Variants in DYSF observed in about 807,000 individuals in gnomAD.
The protein encoded by DYSF is dystrophy-associated fer-1-like 1.
DYSF carries 212 observed loss-of-function variants against 274.9 expected under a neutral mutation model. The observed-to-expected ratio is 0.77, with a 90% CI of 0.69 to 0.86. DYSF has a LOEUF of 0.86. Ranked by LOEUF, DYSF falls within the 40% of genes least tolerant of loss-of-function variation. DYSF has a pLI of 0.00. For missense variants in DYSF, 2,666 were observed against 2,783.2 expected, an observed-to-expected ratio of 0.96 and a Z score of 0.95; for synonymous variants, 1,091 against 1,078.7, an observed-to-expected ratio of 1.01 and a Z score of -0.22.
At chr2:71,550,811 A>G (rs1450911672) in intron 17 of DYSF, among the ~76,000 whole-genome samples, 1 of 152,200 alleles carries the variant, frequency 6.6e-6, no homozygotes, top group Non-Finnish European at 1.5e-5. Flanking sequence ...AAATGAGACT[A>G]ATAAAAATAT....
chr2:71,593,081 A>T (rs2093314025), intron 32 of DYSF, among the ~76,000 whole-genome samples: 1 of 151,334 alleles, frequency 6.6e-6, no homozygotes, highest in Non-Finnish European at 1.5e-5. Context: ...CCTGTGCAGC[A>T]ATTAGTCATA....
intron 45 of DYSF, among the ~76,000 whole-genome samples, chr2:71,661,361 G>T (rs1221592799): frequency 6.6e-6 from 1 of 152,060 alleles, no homozygotes; most frequent in Non-Finnish European, 1.5e-5. Context: ...TCAAAATGAA[G>T]AAATCATCAT....
chr2:71,569,913 G>A lies in DYSF; in HGVS notation c.2958G>A (p.Met986Ile), dbSNP rs893875655. The stretch of plus-strand genomic sequence containing the variant: ...TTCCCGGAGGCCAGTGGATCTACAT[G>A]AGTGACAACTACACCGATGTGGTAA... ...TRLPGGQWIY[M>I]SDNYTDVNGE... is the part of the protein sequence containing the mutation. The change falls in exon 27 of 56, where the codon ATG becomes ATA. Residue 986 changes from methionine to isoleucine, a missense_variant. Around this residue, in one of 3 missense-constraint regions of DYSF, gnomAD observed 1,460 missense variants for 1,502.1 expected, o/e 0.97. Transcript: ENST00000410020. The A allele has an allele frequency of 5.6e-6, 9 of 1,613,982 alleles. No individual in the cohort carries two copies. The highest frequency in any genetic ancestry group is 7.6e-6 in the Non-Finnish European group (9 of 1,180,004).
rs762574600 is a variant in DYSF, at chr2:71,611,645, C to T, written c.4221+19C>T. On this transcript the variant is annotated intron_variant, in intron 38 of 55. Coordinates refer to ENST00000410020, the MANE Select transcript of DYSF (RefSeq NM_001130987.2). ...GGAAGTGGTGAGCCCCACCTCCCTA[C>T]TGTCCCCTTCCAGAGTCCTGGGGCT... The T allele has an allele frequency of 1.2e-6, 2 of 1,611,584 alleles. No homozygotes were observed. Among genetic ancestry groups the T allele is most frequent in the Non-Finnish European group, 1.7e-6 (2 of 1,179,630 alleles).
chr2:71,534,909 C>T, intron 14 of DYSF, 112 bp from the exon 15 acceptor site: 1 of 1,150,020 alleles, frequency 8.7e-7, no homozygotes, highest in Non-Finnish European at 1.3e-6. Flanking sequence ...TTACACCCAG[C>T]CCTAAGGGCA....
At chr2:71,566,233 C>A (rs117576946) in intron 24 of DYSF, among the ~76,000 whole-genome samples, 1 of 75,384 alleles carries the variant, frequency 1.3e-5, no homozygotes, top group African/African-American at 4.9e-5. Context: ...GGGGGCGGGG[C>A]GGGGGGTGCT....
At chr2:71,590,121 T>C in intron 31 of DYSF, 90 bp from the exon 32 acceptor site, 1 of 1,322,778 alleles carries the variant, frequency 7.6e-7, no homozygotes, top group Non-Finnish European at 1.1e-6. Flanking sequence ...TGCTGCCCTT[T>C]CTAGGGACAG....
intron 10 of DYSF, 101 bp downstream of exon 10, chr2:71,517,140 C>A: frequency 1.8e-6 from 2 of 1,135,336 alleles, no homozygotes; most frequent in Non-Finnish European, 2.7e-6. Flanking sequence ...CTGTGTTTCT[C>A]TGCTTTGGGA....
chr2:71,486,191 C>A, intron 3 of DYSF, among the ~76,000 whole-genome samples: 1 of 151,970 alleles, frequency 6.6e-6, no homozygotes, highest in South Asian at 2.1e-4. Context: ...TCTGTGAGCT[C>A]CCCCGCTGTC....
intron 23 of DYSF, among the ~76,000 whole-genome samples, chr2:71,563,398 G>A (rs1316147327): frequency 6.6e-6 from 1 of 152,176 alleles, no homozygotes; most frequent in Non-Finnish European, 1.5e-5. Context: ...GGCTCACTTT[G>A]CTCATCATCC....
intron 40 of DYSF, among the ~76,000 whole-genome samples, chr2:71,618,288 GTGTGTGTGGTAGAGGTGGT>G (rs2093971544): frequency 8.4e-6 from 1 of 118,352 alleles, no homozygotes; most frequent in Non-Finnish European, 1.8e-5. Context: ...TGGTAGAGGT[GTGTGTGTGGTAGAGGTGGT>G]GTGTGTGTGT....
intron 1 of DYSF, among the ~76,000 whole-genome samples, chr2:71,460,192 T>C (rs2081228057): frequency 6.6e-6 from 1 of 152,168 alleles, no homozygotes; most frequent in Admixed American, 6.5e-5. Flanking sequence ...GCTCCTCCTG[T>C]TTTATTGCTC....
At position 71,606,456 on chromosome 2, in the gene DYSF, C is replaced by T. The variant is rs1344294831; in HGVS notation, c.3957+3651C>T. Among the ~76,000 whole-genome samples, 5 of 152,138 alleles carry T rather than the reference C, an allele frequency of 3.3e-5. No individual in the cohort carries two copies. The East Asian group carries it at 9.7e-4, about 29-fold the overall frequency. ...TCTGGTGGCACTTTCAGTCTACACCCCATCTGCCCAGCAGTGCTGAGAGGC... is the reference window on the plus strand; with the variant it reads ...TCTGGTGGCACTTTCAGTCTACACCTCATCTGCCCAGCAGTGCTGAGAGGC... On this transcript the variant is annotated intron_variant, in intron 36 of 55. Coordinates refer to ENST00000410020, the MANE Select transcript of DYSF (RefSeq NM_001130987.2).
chr2:71,661,378 A>C lies in DYSF; in HGVS notation c.5003+727A>C, dbSNP rs113509495. Among the ~76,000 whole-genome samples, 66 of 152,264 alleles carry C rather than the reference A, an allele frequency of 4.3e-4. 1 individual carries two copies. The highest frequency in any genetic ancestry group is 1.3e-3 in the African/African-American group (54 of 41,560). ...AAAATGAAGAAATCATCATTGGTGC[A>C]TTACGTTTAACCAAACTAGACTTTT... is the stretch of plus-strand genomic sequence containing the variant. On this transcript the variant is annotated intron_variant, in intron 45 of 55. Coordinates refer to ENST00000410020, the MANE Select transcript of DYSF (RefSeq NM_001130987.2).
At chr2:71,587,463 C>T (rs566735360) in intron 30 of DYSF, among the ~76,000 whole-genome samples, 1 of 152,314 alleles carries the variant, frequency 6.6e-6, no homozygotes, top group South Asian at 2.1e-4. Flanking sequence ...GAACACCACT[C>T]CCAGCACATG....
chr2:71,606,933 C>T (rs1350767479), intron 36 of DYSF, among the ~76,000 whole-genome samples: 4 of 152,142 alleles, frequency 2.6e-5, no homozygotes, highest in Non-Finnish European at 4.4e-5. Flanking sequence ...CCCATCCACC[C>T]ACTCTTCTGT....
chr2:71,639,822 T>G (rs2094459868), intron 41 of DYSF, among the ~76,000 whole-genome samples: 1 of 152,226 alleles, frequency 6.6e-6, no homozygotes, highest in Non-Finnish European at 1.5e-5. Flanking sequence ...GGAATGATTG[T>G]GGCCATCCGT....
chr2:71,545,833 T>C (rs192250551), intron 17 of DYSF, among the ~76,000 whole-genome samples: 2 of 152,222 alleles, frequency 1.3e-5, no homozygotes, highest in Non-Finnish European at 2.9e-5. Context: ...CGCATGAGTG[T>C]GTTGGTGGGA....
intron 41 of DYSF, among the ~76,000 whole-genome samples, chr2:71,622,994 G>A (rs2094137848): frequency 6.6e-6 from 1 of 152,180 alleles, no homozygotes; most frequent in African/African-American, 2.4e-5. Context: ...TTATTAAGAT[G>A]ATAATTTTAT....
Sources: gnomAD v4.1 joint callset for allele counts (sites outside exome capture counted in the v4.1 genomes callset) on GRCh38, gnomAD v4.1.1 for gene constraint, gnomAD v4.1.1 regional missense constraint, MANE v1.5 for transcripts, NCBI Gene and HGNC (gene_info 2026-07-23, HGNC 2026-07-21) for gene names.